The following TRMT44 variants were observed in gnomAD, a reference collection of about 807,000 sequenced individuals.
TRMT44 encodes the protein probable tRNA (uracil-O(2)-)-methyltransferase.
TRMT44 carries 78 observed loss-of-function variants against 77.3 expected under a neutral mutation model. That is an observed-to-expected ratio of 1.01 (90% CI 0.84 to 1.22). The LOEUF is 1.22. Among genes scored for constraint, TRMT44 ranks in the 50% most tolerant of loss-of-function variants. The pLI, the probability that TRMT44 is intolerant of heterozygous loss-of-function variation, is 0.00. For missense variants in TRMT44, 1,090 were observed against 964.4 expected (o/e 1.13, Z -1.73); for synonymous variants, 391 against 383.3 (o/e 1.02, Z -0.23).
Position 8,449,780 on chromosome 4 carries a change from TG to T in TRMT44, c.847del (p.Val283Ter). The T allele has an allele frequency of 6.5e-7, 1 of 1,536,052 alleles. No homozygotes were observed. The highest frequency in any genetic ancestry group is 1.4e-5 in the African/African-American group (1 of 73,128). On this transcript the variant is annotated frameshift_variant, in exon 3 of 11. Transcript: ENST00000389737. LOFTEE classifies it high-confidence loss of function. Reference protein sequence around the residue: ...ELLAKLAKWSVENKKSDFKST... With the variant: ...ELLAKLAKWSXENKKSDFKST... ...TGCTGGCCAAGTTGGCCAAGTGGTC[TG>T]TAGAGAACAAGAAGAGTGACTTTAA...
chr4:8,478,886 A>C (rs1313197860), downstream of TRMT44: 1 of 152,258 alleles, frequency 6.6e-6, no homozygotes, highest in East Asian at 1.9e-4. Context: ...TGTGGTGAGC[A>C]TTGTGGTCTT....
At chr4:8,475,145 A>G (rs1231097622) in intron 10 of TRMT44, among the ~76,000 whole-genome samples, 1 of 152,204 alleles carries the variant, frequency 6.6e-6, no homozygotes, top group Non-Finnish European at 1.5e-5. Flanking sequence ...GGACGGCACC[A>G]AGGAGCAGAG....
Position 8,446,447 on chromosome 4 carries a change from A to G in TRMT44, c.620-29A>G. The stretch of plus-strand genomic sequence containing the variant: ...ATGAGACGGTAGCTAGGCAGTTGTA[A>G]TTTGTCCTTCTTCTCTTTTTCTTTC... On this transcript the variant is annotated intron_variant, in intron 1 of 10. Coordinates refer to ENST00000389737, the MANE Select transcript of TRMT44 (RefSeq NM_152544.3). The surrounding 1 kb of genome is among the most constrained non-coding windows in gnomAD (Gnocchi z 4.3). 7.0e-7 allele frequency: 1 copy of G among 1,427,988 alleles called. No individual in the cohort carries two copies. Among genetic ancestry groups the G allele is most frequent in the Non-Finnish European group, 9.5e-7 (1 of 1,049,150 alleles). 88.5% of individuals were successfully genotyped at this position (1,427,988 alleles called of 1,614,324 possible).
rs936552386 is a variant in TRMT44 at position 8,444,274 on chromosome 4, G to A, written c.620-2202G>A. On this transcript the variant is annotated intron_variant, in intron 1 of 10. Transcript: ENST00000389737. This position sits in a 1 kb window ranked among gnomAD's most constrained non-coding sequence, Gnocchi z 4.0. ...AGTGGAAGGATGGTTACCAGAGGGT[G>A]GGAAGGGGAGTGGAGGGTTGGGGGA... Among the ~76,000 whole-genome samples the A allele has an allele frequency of 1.3e-5, 2 of 152,076 alleles. No individual in the cohort carries two copies. The highest frequency in any genetic ancestry group is 6.6e-5 in the Admixed American group (1 of 15,262).
At chr4:8,484,561 C>T (rs1399116348) in intron 2 of TRMT44, among the ~76,000 whole-genome samples, 1 of 152,124 alleles carries the variant, frequency 6.6e-6, no homozygotes, top group Non-Finnish European at 1.5e-5. Flanking sequence ...CTACACGATG[C>T]GATCCCGGTC....
downstream of TRMT44, among the ~76,000 whole-genome samples, chr4:8,493,742 G>T (rs943681419): frequency 1.3e-5 from 2 of 151,928 alleles, no homozygotes; most frequent in African/African-American, 4.8e-5. Context: ...CTTTCCATTG[G>T]TCGCCTTGCT....
At chr4:8,503,308 C>G in the TRMT44 span, among the ~76,000 whole-genome samples, 1 of 152,250 alleles carries the variant, frequency 6.6e-6, no homozygotes, top group Non-Finnish European at 1.5e-5. Flanking sequence ...AAGGGTGGCA[C>G]TCTATCCCAG....
intron 1 of TRMT44, among the ~76,000 whole-genome samples, chr4:8,443,695 G>C (rs1352239615): frequency 2.0e-5 from 3 of 152,152 alleles, no homozygotes; most frequent in Non-Finnish European, 4.4e-5. Flanking sequence ...TGCAACTTTT[G>C]TATATTTCTT....
Position 8,441,162 on chromosome 4 carries a change from A to G in TRMT44, c.340A>G (p.Arg114Gly), listed in dbSNP as rs1364687103. 10 of 1,528,952 alleles carry G rather than the reference A, an allele frequency of 6.5e-6. No individual in the cohort carries two copies. The highest frequency in any genetic ancestry group is 8.8e-6 in the Non-Finnish European group (10 of 1,142,080). The allele number at this position is 1,528,952 out of a possible 1,614,324, so 94.7% of individuals were successfully genotyped here. A position where few individuals can be genotyped will look rare whatever the true frequency, so the allele number is the denominator to read the frequency against. Residue 114 changes from arginine to glycine, a missense_variant, in exon 1 of 11, where the codon AGG becomes GGG. Coordinates refer to ENST00000389737, the MANE Select transcript of TRMT44 (RefSeq NM_152544.3). ...QGQCQQEEAQ[R>G]EAASVPLRDS... ...CCAGTGCCAGCAAGAGGAGGCACAG[A>G]GGGAAGCCGCCTCAGTGCCCCTGAG...
intron 5 of TRMT44, chr4:8,453,432 T>A (rs552553400): frequency 1.3e-5 from 2 of 153,574 alleles, no homozygotes; most frequent in Non-Finnish European, 2.9e-5. Flanking sequence ...CCCGGGAGTT[T>A]GAGACCAGCC....
chr4:8,465,315 C>A, intron 7 of TRMT44, 63 bp from the exon 8 acceptor site: 1 of 1,506,192 alleles, frequency 6.6e-7, no homozygotes, highest in African/African-American at 1.4e-5. Context: ...GGCTTTGTTC[C>A]GAATTTCCTT....
At chr4:8,511,258 G>A in the TRMT44 span, among the ~76,000 whole-genome samples, 1 of 152,206 alleles carries the variant, frequency 6.6e-6, no homozygotes, top group Non-Finnish European at 1.5e-5. Flanking sequence ...TCTGAAAAAC[G>A]TCCAGAGGGA....
At position 8,475,894 on chromosome 4, in the gene TRMT44, A is replaced by C. The variant is rs761415220; in HGVS notation, c.2167A>C (p.Met723Leu). The C allele has an allele frequency of 3.1e-6, 5 of 1,614,186 alleles. No individual in the cohort carries two copies. Among genetic ancestry groups the C allele is most frequent in the Non-Finnish European group, 2.5e-6 (3 of 1,180,048 alleles). Residue 723 changes from methionine (M) to leucine (L), a missense_variant, in exon 11 of 11, where the codon ATG becomes CTG. Transcript: ENST00000389737. ...ACKTRLCWFF[M>L]HHPDGCALST... The stretch of plus-strand genomic sequence containing the variant: ...CAAAACCCGCCTCTGCTGGTTCTTC[A>C]TGCATCACCCTGATGGCTGCGCTCT...
chr4:8,471,960 G>A lies in TRMT44; in HGVS notation c.2044+760G>A, dbSNP rs563513149. Among the ~76,000 whole-genome samples, 5 of 152,022 alleles carry A rather than the reference G, an allele frequency of 3.3e-5. No homozygotes were observed. In the South Asian group the frequency reaches 6.2e-4, roughly 19 times the overall value. ...GGCAGGAACAGGGCAGGGAGCCATG[G>A]TTTACCAGCGCCAGCGGCTGGGGAG... On this transcript the variant is annotated intron_variant, in intron 10 of 10. Transcript: ENST00000389737.
In TRMT44 at chr4:8,454,488, C is replaced by G. The variant is rs914790442; in HGVS notation, c.1132-254C>G. 1.4e-4 allele frequency: 80 copies of G among 567,240 alleles called. 1 individual carries two copies. In the East Asian group the frequency reaches 2.3e-3, roughly 16 times the overall value. 35.1% of individuals were successfully genotyped at this position (567,240 alleles called of 1,614,324 possible). On this transcript the variant is annotated intron_variant, in intron 5 of 10. Coordinates refer to ENST00000389737, the MANE Select transcript of TRMT44 (RefSeq NM_152544.3). ...CTGTGCAGTACAGCAGCAAGAAAAT[C>G]AGCTTGGTACCACCAGACTGGGCTG...
chr4:8,502,157 C>A, the TRMT44 span, among the ~76,000 whole-genome samples: 1 of 152,220 alleles, frequency 6.6e-6, no homozygotes, highest in African/African-American at 2.4e-5. Flanking sequence ...TTGATATCAG[C>A]CCTGAAGGTT....
chr4:8,514,704 C>G, the TRMT44 span, among the ~76,000 whole-genome samples: 1 of 152,188 alleles, frequency 6.6e-6, no homozygotes, highest in Non-Finnish European at 1.5e-5. Context: ...AGTTTCTGAT[C>G]TGGGACCCAG....
At position 8,466,940 on chromosome 4, in the gene TRMT44, T is replaced by C. The variant is rs369164688; in HGVS notation, c.1495-974T>C. ...AAGAGCTGGGGAGCAGAGGTGTGGC[T>C]GTCACGTAGTGAGGAGGTCGGCTTC... is the stretch of plus-strand genomic sequence containing the variant. On this transcript the variant is annotated intron_variant, in intron 8 of 10. Coordinates refer to ENST00000389737, the MANE Select transcript of TRMT44 (RefSeq NM_152544.3). 1.1e-4 allele frequency among the ~76,000 whole-genome samples: 16 copies of C among 152,332 alleles called. No homozygotes were observed. The East Asian group carries it at 2.9e-3, about 28-fold the overall frequency.
chr4:8,494,920 C>T (rs527914526), downstream of TRMT44, among the ~76,000 whole-genome samples: 2 of 152,168 alleles, frequency 1.3e-5, no homozygotes, highest in African/African-American at 4.8e-5. Context: ...TCTGGGAGCA[C>T]CGTCGTAGGT....
Sources: gnomAD v4.1 joint callset for allele counts (sites outside exome capture counted in the v4.1 genomes callset) on GRCh38, gnomAD v4.1.1 for gene constraint, Gnocchi (gnomAD v3.1) non-coding constraint, MANE v1.5 for transcripts, NCBI Gene and HGNC (gene_info 2026-07-23, HGNC 2026-07-21) for gene names.